Variants in RANBP2 observed in about 807,000 individuals in gnomAD.
RANBP2 encodes E3 SUMO-protein ligase RanBP2.
A neutral mutation model predicts 303.6 loss-of-function variants in RANBP2; 57 were observed. The observed-to-expected ratio is 0.19, with a 90% confidence interval of 0.15 to 0.23. The LOEUF (loss-of-function observed/expected upper bound fraction) is 0.23, where lower values mean the gene tolerates loss of function less well. RANBP2 is among the 10% of genes least tolerant of loss of function. The pLI, the probability that RANBP2 is intolerant of heterozygous loss-of-function variation, is 1.00. For synonymous variants in RANBP2, 1,167 were observed against 1,301.5 expected (o/e 0.90, Z 2.23); for missense variants, 3,138 against 3,780.8 (o/e 0.83, Z 4.46).
the RANBP2 span, among the ~76,000 whole-genome samples, chr2:109,071,511 T>A: frequency 2.0e-5 from 3 of 152,056 alleles, no homozygotes; most frequent in Admixed American, 6.6e-5. Flanking sequence ...CTGTCTCTAC[T>A]AAAAATACAA....
At chr2:109,471,582 T>C in the RANBP2 span, among the ~76,000 whole-genome samples, 18 of 152,218 alleles carry the variant, frequency 1.2e-4, no homozygotes, top group African/African-American at 4.3e-4. Context: ...AGTGGCAAAA[T>C]TCATCATTGG....
chr2:108,940,548 G>C, the RANBP2 span, among the ~76,000 whole-genome samples: 1 of 152,266 alleles, frequency 6.6e-6, no homozygotes, highest in Non-Finnish European at 1.5e-5. Context: ...CTGAGCCCCA[G>C]ATCGGGCGGA....
the RANBP2 span, among the ~76,000 whole-genome samples, chr2:109,599,273 C>T: frequency 2.0e-5 from 3 of 152,064 alleles, no homozygotes; most frequent in Non-Finnish European, 4.4e-5. Flanking sequence ...GCCTGGCCAA[C>T]ATGGTGAAAC....
chr2:108,987,198 G>A, the RANBP2 span, among the ~76,000 whole-genome samples: 1 of 152,334 alleles, frequency 6.6e-6, no homozygotes, highest in South Asian at 2.1e-4. Context: ...GCATTTCCTT[G>A]AGAATAAATT....
At chr2:108,848,943 A>G in the RANBP2 span, among the ~76,000 whole-genome samples, 8 of 152,346 alleles carry the variant, frequency 5.3e-5, no homozygotes, top group Admixed American at 4.6e-4. Context: ...TTAGTAGACA[A>G]GTCTTTACTG....
At chr2:109,095,241 A>G in the RANBP2 span, among the ~76,000 whole-genome samples, 1 of 152,234 alleles carries the variant, frequency 6.6e-6, no homozygotes, top group Non-Finnish European at 1.5e-5. Context: ...CCCCTAGTAC[A>G]TAATTAAAAT....
chr2:109,450,912 A>G, the RANBP2 span, among the ~76,000 whole-genome samples: 1 of 152,206 alleles, frequency 6.6e-6, no homozygotes, highest in Non-Finnish European at 1.5e-5. Context: ...CCTGGACACT[A>G]GATGGTGTGT....
the RANBP2 span, among the ~76,000 whole-genome samples, chr2:109,361,375 A>G: frequency 1.3e-5 from 2 of 152,248 alleles, no homozygotes; most frequent in African/African-American, 2.4e-5. Context: ...TTGAGATTGT[A>G]GAGAATTGGT....
chr2:109,438,391 G>A, the RANBP2 span, among the ~76,000 whole-genome samples: 4 of 152,182 alleles, frequency 2.6e-5, no homozygotes, highest in Admixed American at 2.6e-4. Context: ...GGTGCAGGTG[G>A]ACTTCAGGTG....
intron 20 of RANBP2, 69 bp downstream of exon 20, chr2:108,768,457 T>C: frequency 1.2e-6 from 2 of 1,603,510 alleles, no homozygotes; most frequent in Non-Finnish European, 1.7e-6. Context: ...ATGCAGACTC[T>C]TTGTAGGATA....
the RANBP2 span, among the ~76,000 whole-genome samples, chr2:108,961,497 G>T: frequency 6.6e-6 from 1 of 152,232 alleles, no homozygotes. Flanking sequence ...TCTTCAGAGG[G>T]AGGTAGAGCT....
At chr2:108,719,776 C>A in intron 1 of RANBP2, 98 bp downstream of exon 1, 1 of 1,530,972 alleles carries the variant, frequency 6.5e-7, no homozygotes, top group South Asian at 1.2e-5. Flanking sequence ...TGCTCCCTGG[C>A]GCGCTCTGTT....
the RANBP2 span, among the ~76,000 whole-genome samples, chr2:109,522,658 G>A: frequency 2.0e-5 from 3 of 150,872 alleles, no homozygotes; most frequent in Non-Finnish European, 2.9e-5. Context: ...CTCCCGCCTC[G>A]GCCTCCCAAA....
the RANBP2 span, chr2:108,813,044 T>C: frequency 4.1e-6 from 3 of 735,162 alleles, no homozygotes; most frequent in East Asian, 8.8e-5. Context: ...TGTCAGGAGA[T>C]CGAGACCATC....
chr2:108,914,314 C>G, the RANBP2 span, among the ~76,000 whole-genome samples: 1 of 151,836 alleles, frequency 6.6e-6, no homozygotes, highest in South Asian at 2.1e-4. Flanking sequence ...AAAATAAGAA[C>G]ACAAGAAAGG....
the RANBP2 span, among the ~76,000 whole-genome samples, chr2:109,171,360 A>C: frequency 6.6e-6 from 1 of 152,252 alleles, no homozygotes; most frequent in Non-Finnish European, 1.5e-5. Flanking sequence ...ATCTCTATAC[A>C]AAATGATGGC....
the RANBP2 span, among the ~76,000 whole-genome samples, chr2:109,299,023 C>A: frequency 6.6e-6 from 1 of 152,170 alleles, no homozygotes; most frequent in African/African-American, 2.4e-5. Flanking sequence ...GGTGATGTCT[C>A]CCCCCAGTGC....
chr2:109,732,816 G>C, the RANBP2 span: 1 of 1,250,322 alleles, frequency 8.0e-7, no homozygotes, highest in East Asian at 2.4e-5. Flanking sequence ...TGAAGTGTGT[G>C]GGTTGCTAGA....
At chr2:108,795,622 T>C in the RANBP2 span, among the ~76,000 whole-genome samples, 1 of 152,246 alleles carries the variant, frequency 6.6e-6, no homozygotes, top group African/African-American at 2.4e-5. Flanking sequence ...ATTCAGATTG[T>C]AATTACCATA....
Sources: gnomAD v4.1 joint callset for allele counts (sites outside exome capture counted in the v4.1 genomes callset) on GRCh38, gnomAD v4.1.1 for gene constraint, MANE v1.5 for transcripts, NCBI Gene and HGNC (gene_info 2026-07-23, HGNC 2026-07-21) for gene names.